The following MTUS1 variants were observed in gnomAD, a reference collection of about 807,000 sequenced individuals.
The protein encoded by MTUS1 is microtubule-associated tumor suppressor 1.
Under a neutral mutation model 120.8 loss-of-function variants are expected in MTUS1, and 109 were observed. The observed-to-expected ratio is 0.90, with a 90% CI of 0.77 to 1.06. The LOEUF (loss-of-function observed/expected upper bound fraction) is 1.06. Ranked by LOEUF, MTUS1 falls within the 50% of genes least tolerant of loss-of-function variation. MTUS1 has a pLI of 0.00. For missense variants in MTUS1, 2,210 were observed against 1,486.3 expected (o/e 1.49, Z -8.01); for synonymous variants, 737 against 550.5 (o/e 1.34, Z -4.74).
intron 7 of MTUS1, among the ~76,000 whole-genome samples, chr8:17,678,491 C>T (rs1200198349): frequency 2.6e-5 from 4 of 152,124 alleles, no homozygotes; most frequent in African/African-American, 9.7e-5. Context: ...GACACAGGCA[C>T]TTAGTCTCTG....
chr8:17,747,167 C>G (rs2047824006), intron 2 of MTUS1, among the ~76,000 whole-genome samples: 1 of 152,204 alleles, frequency 6.6e-6, no homozygotes, highest in Non-Finnish European at 1.5e-5. Context: ...CATATGGAAG[C>G]CCCTGCCATC....
intron 8 of MTUS1, among the ~76,000 whole-genome samples, chr8:17,660,292 G>A (rs554652389): frequency 6.6e-6 from 1 of 152,246 alleles, no homozygotes; most frequent in Admixed American, 6.5e-5. Flanking sequence ...AGAATCGCTT[G>A]AACCCAAGCA....
chr8:17,730,629 G>C (rs754311287), intron 3 of MTUS1, among the ~76,000 whole-genome samples: 1 of 152,094 alleles, frequency 6.6e-6, no homozygotes, highest in Non-Finnish European at 1.5e-5. Context: ...AGGTGGTACA[G>C]ATATACCACG....
At chr8:17,668,514 G>A (rs1811375156) in intron 8 of MTUS1, among the ~76,000 whole-genome samples, 1 of 152,122 alleles carries the variant, frequency 6.6e-6, no homozygotes. Context: ...CTATTTCCAA[G>A]GCTGACACTT....
intron 6 of MTUS1, among the ~76,000 whole-genome samples, chr8:17,709,920 T>C (rs143036555): frequency 3.3e-5 from 5 of 151,096 alleles, no homozygotes; most frequent in Non-Finnish European, 5.9e-5. Flanking sequence ...GGCAGGAGAA[T>C]GGCGTGAACC....
At chr8:17,721,879 C>T (rs756586972) in intron 4 of MTUS1, 31 of 1,613,470 alleles carry the variant, frequency 1.9e-5, no homozygotes, top group South Asian at 1.3e-4. Flanking sequence ...TGTACAACTG[C>T]GAAATCCTCC....
rs933742330 is a variant in MTUS1 at position 17,654,578 on chromosome 8, T to G, written c.3197A>C (p.Tyr1066Ser). ...SEKLELLKKA[Y>S]EASLSEIKKG... Reference sequence around the variant, plus strand: ...ATCCTTGCCTGAAAGGGAGGCTTCATAGGCCTTCTTTAGCAATTCAAGTTT... The same window carrying G: ...ATCCTTGCCTGAAAGGGAGGCTTCAGAGGCCTTCTTTAGCAATTCAAGTTT... Residue 1066 changes from tyrosine (Y) to serine (S), a missense_variant, in exon 10 of 15, where the codon TAT becomes TCT. Transcript: ENST00000693296. 6.2e-7 allele frequency: 1 copy of G among 1,612,058 alleles called. No individual in the cohort carries two copies. Among genetic ancestry groups the G allele is most frequent in the African/African-American group, 1.3e-5 (1 of 74,896 alleles).
chr8:17,707,727 C>A (rs1820456982), intron 6 of MTUS1, among the ~76,000 whole-genome samples: 1 of 152,156 alleles, frequency 6.6e-6, no homozygotes, highest in Non-Finnish European at 1.5e-5. Context: ...GACTCACATC[C>A]TGATTTCAAA....
At chr8:17,650,805 C>G (rs1218161521) in intron 12 of MTUS1, among the ~76,000 whole-genome samples, 1 of 152,216 alleles carries the variant, frequency 6.6e-6, no homozygotes, top group Non-Finnish European at 1.5e-5. Flanking sequence ...CCACCCACTC[C>G]TTGCTTTATT....
At chr8:17,674,698 A>C (rs953135265) in intron 8 of MTUS1, 111 of 987,666 alleles carry the variant, frequency 1.1e-4, no homozygotes, top group Non-Finnish European at 1.2e-4. Context: ...CCCCCTCCAA[A>C]TAGTAAGATT....
chr8:17,645,015 G>A lies in MTUS1; in HGVS notation c.*911C>T, dbSNP rs1805510826. ...AGGGTAGATCAAAGGTAAAAATAAG[G>A]TGGAAAAACCCATTGGTACTTCCCT... On this transcript the variant is annotated 3_prime_UTR_variant, in exon 15 of 15. Coordinates refer to ENST00000693296, the MANE Select transcript of MTUS1 (RefSeq NM_001363059.2). 6.6e-6 allele frequency: 1 copy of A among 152,138 alleles called. No individual in the cohort carries two copies. Among genetic ancestry groups the A allele is most frequent in the Non-Finnish European group, 1.5e-5 (1 of 67,982 alleles). 9.4% of individuals were successfully genotyped at this position (152,138 alleles called of 1,614,324 possible).
Position 17,655,990 on chromosome 8 carries a change from T to C in MTUS1, c.2981A>G (p.Gln994Arg), listed in dbSNP as rs959001404. Residue 994 changes from glutamine to arginine, a missense_variant, in exon 9 of 15, where the codon CAG becomes CGG. By Grantham distance (43) the Gln-to-Arg change is conservative. Coordinates refer to ENST00000693296, the MANE Select transcript of MTUS1 (RefSeq NM_001363059.2). ...TTCTGTTTTTTCAGCCTGGTGCTGC[T>C]GGACGAATGCTTCATACACTGTTTG... is the stretch of plus-strand genomic sequence containing the variant. ...ELQTVYEAFV[Q>R]QHQAEKTERE... 1.9e-6 allele frequency: 3 copies of C among 1,614,248 alleles called. No homozygotes were observed. Among genetic ancestry groups the C allele is most frequent in the Non-Finnish European group, 2.5e-6 (3 of 1,180,038 alleles).
At position 17,697,743 on chromosome 8, in the gene MTUS1, C is replaced by A. The variant is rs1818267860; in HGVS notation, c.2624-13201G>T. On this transcript the variant is annotated intron_variant, in intron 6 of 14. Transcript: ENST00000693296. ...AGGAGAAAGTGGGTGGTCTCAGGAG[C>A]TTTACAGAACAACCAATAATGTCAC... is the stretch of plus-strand genomic sequence containing the variant. 6 of 993,486 alleles carry A rather than the reference C, an allele frequency of 6.0e-6. No homozygotes were observed. The South Asian group carries it at 2.3e-4, about 39-fold the overall frequency. The allele number at this position is 993,486 out of a possible 1,614,324, so 61.5% of individuals were successfully genotyped here. A position where few individuals can be genotyped will look rare whatever the true frequency, so the allele number is the denominator to read the frequency against.
intron 3 of MTUS1, among the ~76,000 whole-genome samples, chr8:17,728,791 C>A (rs1256531124): frequency 1.6e-5 from 2 of 124,256 alleles, no homozygotes; most frequent in Admixed American, 1.6e-4. Flanking sequence ...TTGGGGGGGT[C>A]GGGGAGGGTG....
chr8:17,695,566 T>C (rs1358662726), intron 6 of MTUS1, among the ~76,000 whole-genome samples: 2 of 152,240 alleles, frequency 1.3e-5, no homozygotes, highest in Non-Finnish European at 2.9e-5. Context: ...AATAGAAGCC[T>C]TGTGTCGTTT....
At chr8:17,761,148 A>G (rs1339376313) in intron 1 of MTUS1, among the ~76,000 whole-genome samples, 2 of 152,210 alleles carry the variant, frequency 1.3e-5, no homozygotes, top group African/African-American at 4.8e-5. Flanking sequence ...TATAAGGATT[A>G]AAAATTAGTA....
intron 1 of MTUS1, among the ~76,000 whole-genome samples, chr8:17,784,129 C>G (rs894493679): frequency 6.6e-6 from 1 of 152,120 alleles, no homozygotes; most frequent in Admixed American, 6.6e-5. Flanking sequence ...AAAATAACAT[C>G]TCTCCTTTTG....
chr8:17,649,720 C>T (rs888508723), intron 13 of MTUS1, 126 bp downstream of exon 13: 65 of 651,564 alleles, frequency 1.0e-4, no homozygotes, highest in Non-Finnish European at 1.5e-4. Context: ...TGAACTTTAT[C>T]TTTTGTATAA....
At chr8:17,662,146 G>A (rs1041875909) in intron 8 of MTUS1, among the ~76,000 whole-genome samples, 1 of 152,018 alleles carries the variant, frequency 6.6e-6, no homozygotes, top group African/African-American at 2.4e-5. Context: ...GGTGCCACCT[G>A]TGTGTGCTCT....
Sources: gnomAD v4.1 joint callset for allele counts (sites outside exome capture counted in the v4.1 genomes callset) on GRCh38, gnomAD v4.1.1 for gene constraint, MANE v1.5 for transcripts, NCBI Gene and HGNC (gene_info 2026-07-23, HGNC 2026-07-21) for gene names.